The following TTC28 variants were observed in gnomAD, a reference collection of about 807,000 sequenced individuals.
TTC28 encodes the protein tetratricopeptide repeat domain 28, also known as tetratricopeptide repeat protein 28.
In TTC28, 61 loss-of-function variants were observed where a neutral mutation model predicts 198.0. That is an observed-to-expected ratio of 0.31 (90% CI 0.25 to 0.38). TTC28 has a LOEUF of 0.38. TTC28 is among the 10% of genes least tolerant of loss of function. TTC28 has a pLI of 1.00. For synonymous variants in TTC28, 1,171 were observed against 1,297.8 expected, an observed-to-expected ratio of 0.90 and a Z score of 2.10; for missense variants, 2,678 against 3,164.0, an observed-to-expected ratio of 0.85 and a Z score of 3.69.
rs557631487 is a variant in TTC28, at chr22:28,608,267, A to T, written c.381+21285T>A. ...ATGAAAACCAAAAGCTTAGGAGTAAACAGAGGGGTCAAAATTGTTTGGACC... is the reference window on the plus strand; with the variant it reads ...ATGAAAACCAAAAGCTTAGGAGTAATCAGAGGGGTCAAAATTGTTTGGACC... On this transcript the variant is annotated intron_variant, in intron 2 of 22. Transcript: ENST00000397906. Among the ~76,000 whole-genome samples, 4 of 152,322 alleles carry T rather than the reference A, an allele frequency of 2.6e-5. No homozygotes were observed. The South Asian group carries it at 8.3e-4, about 32-fold the overall frequency.
chr22:28,320,704 T>A (rs1478865201), intron 2 of TTC28, among the ~76,000 whole-genome samples: 1 of 152,200 alleles, frequency 6.6e-6, no homozygotes, highest in African/African-American at 2.4e-5. Context: ...TGATTCTAAA[T>A]GTACCAAAAG....
At chr22:28,358,852 C>T (rs1226636476) in intron 2 of TTC28, among the ~76,000 whole-genome samples, 1 of 152,160 alleles carries the variant, frequency 6.6e-6, no homozygotes, top group South Asian at 2.1e-4. Context: ...GGCTTTCATT[C>T]AGTTTCCAAT....
chr22:28,008,732 G>A (rs567444785), intron 14 of TTC28, among the ~76,000 whole-genome samples: 23 of 152,260 alleles, frequency 1.5e-4, no homozygotes, highest in African/African-American at 5.3e-4. Flanking sequence ...GGCTCTGGAC[G>A]AAGGGCCCAA....
At chr22:28,599,610 G>A (rs531154221) in intron 2 of TTC28, among the ~76,000 whole-genome samples, 5 of 152,190 alleles carry the variant, frequency 3.3e-5, no homozygotes, top group South Asian at 2.1e-4. Flanking sequence ...GCAAAATAGC[G>A]AGACCCCCAT....
intron 2 of TTC28, among the ~76,000 whole-genome samples, chr22:28,591,212 G>GA (rs2050430431): frequency 6.6e-6 from 1 of 150,434 alleles, no homozygotes; most frequent in Non-Finnish European, 1.5e-5. Context: ...AGGCTCAAGT[G>GA]ATCCTCCTAC....
chr22:28,169,699 T>C (rs1003787819), intron 5 of TTC28, among the ~76,000 whole-genome samples: 2 of 151,906 alleles, frequency 1.3e-5, no homozygotes, highest in South Asian at 2.1e-4. Context: ...AGGGATAGCA[T>C]TGGGAGATAT....
chr22:28,479,271 T>C (rs113514521), intron 2 of TTC28, among the ~76,000 whole-genome samples: 2,642 of 152,270 alleles, frequency 0.017, 44 homozygotes, highest in South Asian at 0.047. Flanking sequence ...ACACAGCAGG[T>C]GGAAGGAGGG....
Position 28,217,455 on chromosome 22 carries a change from G to T in TTC28, c.934-53856C>A, listed in dbSNP as rs188199457. Among the ~76,000 whole-genome samples the T allele has an allele frequency of 1.7e-3, 256 of 152,250 alleles. 2 individuals carry two copies. The highest frequency in any genetic ancestry group is 6.0e-3 in the African/African-American group (249 of 41,532). On this transcript the variant is annotated intron_variant, in intron 5 of 22. Coordinates refer to ENST00000397906, the MANE Select transcript of TTC28 (RefSeq NM_001145418.2). ...GTATAAAGGAATTGTGGCGATAGAG[G>T]AAAGTGATAACTGTATATAATCTCC...
chr22:27,992,013 G>T (rs1355184971), intron 19 of TTC28, among the ~76,000 whole-genome samples: 1 of 151,524 alleles, frequency 6.6e-6, no homozygotes, highest in South Asian at 2.1e-4. Flanking sequence ...CATCCTGGTG[G>T]GCTGGCCCCA....
intron 9 of TTC28, among the ~76,000 whole-genome samples, chr22:28,099,691 T>C (rs1429845045): frequency 6.6e-6 from 1 of 152,198 alleles, no homozygotes; most frequent in African/African-American, 2.4e-5. Flanking sequence ...AAAACAGATA[T>C]TAATCCACCA....
At position 28,108,307 on chromosome 22, in the gene TTC28, T is replaced by A; in HGVS notation, c.1538A>T (p.Gln513Leu). 6.5e-7 allele frequency: 1 copy of A among 1,534,178 alleles called. No homozygotes were observed. The highest frequency in any genetic ancestry group is 8.8e-7 in the Non-Finnish European group (1 of 1,134,156). The change falls in exon 7 of 23, where the codon CAG becomes CTG. Residue 513 changes from glutamine (Q) to leucine (L), a missense_variant. Physicochemically the swap from Gln to Leu is moderately radical, Grantham distance 113 (BLOSUM62 -2). Around this residue, in one of 8 missense-constraint regions of TTC28, gnomAD observed 775 missense variants for 845.9 expected, o/e 0.92. Coordinates refer to ENST00000397906, the MANE Select transcript of TTC28 (RefSeq NM_001145418.2). ...IAQELSDYAA[Q>L]GRAYGNMGNA... ...GCCCATATTCCCATAGGCACGGCCC[T>A]GGGCAGCATAATCACTCAGCTCCTG...
intron 12 of TTC28, among the ~76,000 whole-genome samples, chr22:28,053,501 G>GA (rs1342716027): frequency 6.6e-6 from 1 of 152,178 alleles, no homozygotes; most frequent in Non-Finnish European, 1.5e-5. Flanking sequence ...CGGAATACTG[G>GA]AAAATCCAAA....
At chr22:28,259,568 T>C (rs1469877653) in intron 5 of TTC28, among the ~76,000 whole-genome samples, 2 of 152,030 alleles carry the variant, frequency 1.3e-5, no homozygotes, top group Non-Finnish European at 2.9e-5. Context: ...AAAAATCTAG[T>C]ATGGACTATT....
At chr22:28,262,410 A>G (rs1404261021) in intron 5 of TTC28, among the ~76,000 whole-genome samples, 1 of 152,172 alleles carries the variant, frequency 6.6e-6, no homozygotes, top group African/African-American at 2.4e-5. Flanking sequence ...ATAGTTTTCC[A>G]TATGGCGGTA....
chr22:28,097,784 G>A (rs1422673796), intron 10 of TTC28, among the ~76,000 whole-genome samples: 1 of 152,174 alleles, frequency 6.6e-6, no homozygotes, highest in Non-Finnish European at 1.5e-5. Context: ...ATTTGTATGT[G>A]TGTATGTAAA....
At chr22:28,017,963 T>A (rs1347596781) in intron 13 of TTC28, among the ~76,000 whole-genome samples, 1 of 152,208 alleles carries the variant, frequency 6.6e-6, no homozygotes, top group Non-Finnish European at 1.5e-5. Flanking sequence ...GAACTTGACC[T>A]TGTCCTGCTC....
At chr22:28,021,071 C>A (rs1938576519) in intron 13 of TTC28, among the ~76,000 whole-genome samples, 2 of 152,222 alleles carry the variant, frequency 1.3e-5, no homozygotes, top group Admixed American at 6.5e-5. Flanking sequence ...ACAGCACTGC[C>A]TCCTTGGCAG....
Position 27,983,268 on chromosome 22 carries a change from T to G in TTC28, c.6399A>C (p.Thr2133=), listed in dbSNP as rs1368547996. The G allele has an allele frequency of 6.4e-7, 1 of 1,551,942 alleles. No individual in the cohort carries two copies. Among genetic ancestry groups the G allele is most frequent in the Non-Finnish European group, 8.7e-7 (1 of 1,147,092 alleles). The change falls in exon 23 of 23, where the codon ACA becomes ACC. Residue 2133 remains threonine, a synonymous_variant. Coordinates refer to ENST00000397906, the MANE Select transcript of TTC28 (RefSeq NM_001145418.2). ...CTGTGCTAGACTGGTCTGATTCTCC[T>G]GTATCTGAGCTTGCTAGTTTTCCCA... ...QKVGKLASSD[T]GESDQSSTET... is the part of the protein sequence containing the mutation.
intron 5 of TTC28, among the ~76,000 whole-genome samples, chr22:28,186,429 T>C (rs535504579): frequency 6.6e-6 from 1 of 152,298 alleles, no homozygotes; most frequent in South Asian, 2.1e-4. Flanking sequence ...TCCGAATGCC[T>C]GTAACTACAG....
Sources: gnomAD v4.1 joint callset for allele counts (sites outside exome capture counted in the v4.1 genomes callset) on GRCh38, gnomAD v4.1.1 for gene constraint, gnomAD v4.1.1 regional missense constraint, MANE v1.5 for transcripts, NCBI Gene and HGNC (gene_info 2026-07-23, HGNC 2026-07-21) for gene names.